IFT46: variants seen among roughly 807,000 people sequenced by gnomAD.
IFT46 encodes intraflagellar transport protein 46 homolog.
IFT46 carries 19 observed loss-of-function variants against 39.6 expected under a neutral mutation model. The observed-to-expected ratio is 0.48, with a 90% confidence interval of 0.33 to 0.70. The LOEUF (loss-of-function observed/expected upper bound fraction) is 0.70. Among genes scored for constraint, IFT46 ranks in the 30% least tolerant of loss-of-function variants. The pLI is 0.01. For synonymous variants in IFT46, 117 were observed against 134.8 expected (o/e 0.87, Z 0.91); for missense variants, 334 against 364.8 (o/e 0.92, Z 0.69).
At chr11:118,551,042 A>C (rs1388598829) in intron 9 of IFT46, among the ~76,000 whole-genome samples, 2 of 150,456 alleles carry the variant, frequency 1.3e-5, no homozygotes, top group Non-Finnish European at 3.0e-5. Context: ...AAAAAAAAAA[A>C]AAAACTATCT....
intron 6 of IFT46, 122 bp from the exon 7 acceptor site, chr11:118,554,709 ACTATCC>A: frequency 9.4e-7 from 1 of 1,059,884 alleles, no homozygotes; most frequent in Non-Finnish European, 1.4e-6. Flanking sequence ...TGTACGCAAT[ACTATCC>A]AGAAAAAAAA....
upstream of IFT46, chr11:118,565,948 G>C (rs1555071417): frequency 1.3e-5 from 2 of 152,256 alleles, no homozygotes; most frequent in Non-Finnish European, 1.5e-5. Flanking sequence ...TAAAATTCGC[G>C]AGAGTTGCTT....
At chr11:118,564,181 T>A (rs1938151449) in intron 2 of IFT46, among the ~76,000 whole-genome samples, 1 of 110,706 alleles carries the variant, frequency 9.0e-6, no homozygotes, top group African/African-American at 3.9e-5. Flanking sequence ...AGAGTGAGAC[T>A]CTGTCTCAAA....
upstream of IFT46, among the ~76,000 whole-genome samples, chr11:118,569,072 G>C (rs1323783184): frequency 6.6e-6 from 1 of 151,478 alleles, no homozygotes; most frequent in African/African-American, 2.4e-5. Context: ...CTTGAGGTTA[G>C]GAGTTCAAGA....
At chr11:118,569,154 C>G (rs1938287659), upstream of IFT46, among the ~76,000 whole-genome samples, 1 of 151,562 alleles carries the variant, frequency 6.6e-6, no homozygotes, top group Non-Finnish European at 1.5e-5. Flanking sequence ...TCGTCCATGC[C>G]TGTAATCCCA....
At chr11:118,546,820 T>TC (rs1317343277) in intron 9 of IFT46, 1 of 152,236 alleles carries the variant, frequency 6.6e-6, no homozygotes, top group Admixed American at 6.5e-5. Context: ...GCCTAATGAT[T>TC]CCAGGACACC....
At chr11:118,576,576 A>G (rs1938518676), upstream of IFT46, among the ~76,000 whole-genome samples, 1 of 152,144 alleles carries the variant, frequency 6.6e-6, no homozygotes, top group African/African-American at 2.4e-5. Context: ...ACCAGTAAAC[A>G]TTAATGTAAA....
chr11:118,573,981 T>G (rs563400361), upstream of IFT46, among the ~76,000 whole-genome samples: 2 of 152,340 alleles, frequency 1.3e-5, no homozygotes, highest in Admixed American at 1.3e-4. Context: ...GTTAAGGTCT[T>G]GTATTATATA....
intron 8 of IFT46, 71 bp downstream of exon 8, chr11:118,552,143 T>G: frequency 6.3e-7 from 1 of 1,578,662 alleles, no homozygotes; most frequent in Non-Finnish European, 8.7e-7. Context: ...GGGCCTCTTC[T>G]CAGGAGCAAC....
intron 2 of IFT46, chr11:118,561,157 T>A: frequency 6.9e-7 from 1 of 1,447,572 alleles, no homozygotes; most frequent in East Asian, 2.3e-5. Flanking sequence ...CCACTGGCAA[T>A]AAAGTTTTTG....
intron 9 of IFT46, among the ~76,000 whole-genome samples, chr11:118,549,574 G>T (rs190000985): frequency 1.3e-5 from 2 of 150,132 alleles, no homozygotes; most frequent in African/African-American, 4.9e-5. Flanking sequence ...CACCAGGCTG[G>T]AGTGCAGTGG....
rs574142617 is a variant in IFT46 at position 118,545,417 on chromosome 11, T to C, written c.811A>G (p.Asn271Asp). 31 of 1,610,626 alleles carry C rather than the reference T, an allele frequency of 1.9e-5. No homozygotes were observed. In the Admixed American group the frequency reaches 3.3e-4, roughly 17 times the overall value. Residue 271 changes from asparagine (N) to aspartate (D), a missense_variant, in exon 11 of 12, where the codon AAC becomes GAC. By Grantham distance (23) the Asn-to-Asp change is conservative. Transcript: ENST00000264021. ...CCTGATGCTTGGCTCACCTGTGAGT[T>C]CTTGAATTCTGAGTAGAGGGAAAAG... ...LLFSLYSEFK[N>D]SQHFKALAEG...
intron 9 of IFT46, among the ~76,000 whole-genome samples, chr11:118,550,301 T>A (rs782021306): frequency 1.3e-5 from 2 of 152,224 alleles, no homozygotes; most frequent in Non-Finnish European, 2.9e-5. Context: ...AACACCTAAC[T>A]ATCCTAATAG....
chr11:118,549,384 A>C (rs116976310), intron 9 of IFT46, among the ~76,000 whole-genome samples: 1,826 of 151,844 alleles, frequency 0.012, 21 homozygotes, highest in Non-Finnish European at 0.02. Flanking sequence ...CTTTGCTTGG[A>C]CAGTAATTTT....
At chr11:118,567,503 G>A (rs1224806930), upstream of IFT46, among the ~76,000 whole-genome samples, 1 of 152,026 alleles carries the variant, frequency 6.6e-6, no homozygotes, top group Non-Finnish European at 1.5e-5. Context: ...TTGAACCCGG[G>A]AGGTGGAGGT....
intron 9 of IFT46, chr11:118,546,332 T>C (rs1951685395): frequency 1.7e-6 from 1 of 586,324 alleles, no homozygotes; most frequent in South Asian, 2.1e-5. Context: ...ATTCCATCTC[T>C]ACAAAAAAAT....
At position 118,559,111 on chromosome 11, in the gene IFT46, G is replaced by A. The variant is rs1365576226; in HGVS notation, c.45+674C>T. On this transcript the variant is annotated intron_variant, in intron 3 of 11. Coordinates refer to ENST00000264021, the MANE Select transcript of IFT46 (RefSeq NM_001168618.2). ...TCAAACTCCTGACCTCAGGTGATCC[G>A]CCCGCCTCGGCCTCCCAAAGTGCTG... Among the ~76,000 whole-genome samples the A allele has an allele frequency of 4.0e-5, 6 of 151,512 alleles. No individual in the cohort carries two copies. In the East Asian group the frequency reaches 1.2e-3, roughly 30 times the overall value.
chr11:118,560,853 T>C, intron 2 of IFT46: 3 of 761,724 alleles, frequency 3.9e-6, no homozygotes, highest in South Asian at 1.4e-5. Flanking sequence ...ATAGTTCGTG[T>C]AACAAACAGA....
chr11:118,544,998 A>G lies in IFT46; in HGVS notation c.833T>C (p.Leu278Pro). The G allele has an allele frequency of 1.2e-6, 2 of 1,612,060 alleles. No individual in the cohort carries two copies. The highest frequency in any genetic ancestry group is 1.7e-6 in the Non-Finnish European group (2 of 1,178,658). The stretch of plus-strand genomic sequence containing the variant: ...AGTGAATGCTTTCTTGCCTTCAGCG[A>G]GAGCTTTAAAATGCTGCAAGGAAGA... ...EFKNSQHFKA[L>P]AEGKKAFTPS... The change falls in exon 12 of 12, where the codon CTC (leucine) becomes CCC (proline). Residue 278 changes from leucine to proline, a missense_variant. Leu to Pro is a moderately conservative substitution (Grantham distance 98). Transcript: ENST00000264021.
Sources: gnomAD v4.1 joint callset for allele counts (sites outside exome capture counted in the v4.1 genomes callset) on GRCh38, gnomAD v4.1.1 for gene constraint, MANE v1.5 for transcripts, NCBI Gene and HGNC (gene_info 2026-07-23, HGNC 2026-07-21) for gene names.